The following CUL4A variants were observed in gnomAD, a reference collection of about 807,000 sequenced individuals.
The protein encoded by CUL4A is cullin-4A.
CUL4A carries 16 observed loss-of-function variants against 95.5 expected under a neutral mutation model. The ratio of observed to expected loss-of-function variants is 0.17; its 90% confidence interval spans 0.11 to 0.25. CUL4A has a LOEUF of 0.25. Among genes scored for constraint, CUL4A ranks in the 10% least tolerant of loss-of-function variants. The pLI, the probability that CUL4A is intolerant of heterozygous loss-of-function variation, is 1.00. For missense variants in CUL4A, 610 were observed against 937.0 expected, an observed-to-expected ratio of 0.65 and a Z score of 4.56; for synonymous variants, 380 against 353.1, an observed-to-expected ratio of 1.08 and a Z score of -0.85.
chr13:113,244,696 C>T (rs2041812165), intron 12 of CUL4A, among the ~76,000 whole-genome samples, 182 bp downstream of exon 12: 2 of 152,120 alleles, frequency 1.3e-5, no homozygotes, highest in Admixed American at 1.3e-4. Context: ...AAAACATTAG[C>T]CAGGCGTGGT....
chr13:113,244,041 T>C lies in CUL4A; in HGVS notation c.1229-369T>C, dbSNP rs565396570. On this transcript the variant is annotated intron_variant, in intron 11 of 19. Coordinates refer to ENST00000375440, the MANE Select transcript of CUL4A (RefSeq NM_001008895.4). The stretch of plus-strand genomic sequence containing the variant: ...CTGAGAAAGTCTTTCTCTTTGAGAA[T>C]GTCTCCTCTGCATTCATGACACCAG... Among the ~76,000 whole-genome samples the C allele has an allele frequency of 4.6e-5, 7 of 152,334 alleles. No individual in the cohort carries two copies. In the East Asian group the frequency reaches 1.4e-3, roughly 29 times the overall value.
intron 18 of CUL4A, among the ~76,000 whole-genome samples, chr13:113,257,988 C>CT (rs1308375549): frequency 2.0e-5 from 3 of 152,052 alleles, no homozygotes; most frequent in African/African-American, 7.2e-5. Flanking sequence ...AATTCTGTGT[C>CT]TATTTCATAG....
chr13:113,254,061 C>T (rs1358686964), intron 16 of CUL4A, among the ~76,000 whole-genome samples: 1 of 152,098 alleles, frequency 6.6e-6, no homozygotes, highest in African/African-American at 2.4e-5. Context: ...TGAACTTGAC[C>T]TCCACAGGGT....
At chr13:113,217,818 A>G (rs563080602) in intron 2 of CUL4A, among the ~76,000 whole-genome samples, 1 of 152,386 alleles carries the variant, frequency 6.6e-6, no homozygotes, top group African/African-American at 2.4e-5. Context: ...TCATATTGGA[A>G]TTGAATGAGT....
rs867623487 is a variant in CUL4A, at chr13:113,264,243, C to G, written c.*661C>G. ...TGGTGTCCGCCCTGCTGCGTCTGTT[C>G]GTCAGCTGAGTTCCTTGTGAATCTC... On this transcript the variant is annotated 3_prime_UTR_variant, in exon 20 of 20. Transcript: ENST00000375440. The G allele has an allele frequency of 6.6e-6, 1 of 152,230 alleles. No homozygotes were observed. Among genetic ancestry groups the G allele is most frequent in the African/African-American group, 2.4e-5 (1 of 41,454 alleles). The allele number at this position is 152,230 out of a possible 1,614,324, so 9.4% of individuals were successfully genotyped here.
upstream of CUL4A, chr13:113,208,651 G>C: frequency 6.2e-7 from 1 of 1,604,764 alleles, no homozygotes; most frequent in East Asian, 2.3e-5. Context: ...GCCGCCGAAC[G>C]GAGAGCGCCA....
At chr13:113,217,803 A>G (rs899225330) in intron 2 of CUL4A, among the ~76,000 whole-genome samples, 2 of 152,266 alleles carry the variant, frequency 1.3e-5, no homozygotes, top group Admixed American at 1.3e-4. Flanking sequence ...TCTGTTTATA[A>G]TATTTCATAT....
At chr13:113,221,994 G>A (rs1413182822) in intron 3 of CUL4A, among the ~76,000 whole-genome samples, 3 of 152,234 alleles carry the variant, frequency 2.0e-5, no homozygotes, top group Non-Finnish European at 4.4e-5. Context: ...TGTCCTAAAG[G>A]ATGGATGAGG....
chr13:113,244,151 A>G (rs535878782), intron 11 of CUL4A: 1 of 340,844 alleles, frequency 2.9e-6, no homozygotes, highest in South Asian at 5.7e-5. Flanking sequence ...TTATTTTGAA[A>G]TTCAGAGATT....
chr13:113,222,806 G>T (rs762183670), intron 3 of CUL4A, among the ~76,000 whole-genome samples: 1 of 152,162 alleles, frequency 6.6e-6, no homozygotes, highest in Non-Finnish European at 1.5e-5. Flanking sequence ...AGGCTGAGGT[G>T]GGAGGATTGC....
chr13:113,255,517 C>T (rs2042098805), intron 18 of CUL4A, among the ~76,000 whole-genome samples: 1 of 152,128 alleles, frequency 6.6e-6, no homozygotes, highest in South Asian at 2.1e-4. Context: ...TAGGATCATA[C>T]AGGACAGTTT....
intron 18 of CUL4A, among the ~76,000 whole-genome samples, chr13:113,257,563 G>A (rs923481192): frequency 1.3e-5 from 2 of 152,172 alleles, no homozygotes; most frequent in African/African-American, 4.8e-5. Context: ...AGCAAGAACA[G>A]GGAGGGAGGT....
At chr13:113,225,469 A>G (rs751425992) in intron 3 of CUL4A, among the ~76,000 whole-genome samples, 1 of 152,228 alleles carries the variant, frequency 6.6e-6, no homozygotes, top group Non-Finnish European at 1.5e-5. Context: ...TTTTAGAGGA[A>G]GTATTTCTCA....
intron 5 of CUL4A, among the ~76,000 whole-genome samples, chr13:113,230,602 C>T (rs1376265688): frequency 6.6e-6 from 1 of 152,154 alleles, no homozygotes; most frequent in East Asian, 1.9e-4. Flanking sequence ...TTAGCATTTG[C>T]TCTGTGCAAG....
At chr13:113,253,009 CTG>C (rs1324497662) in intron 15 of CUL4A, 71 bp from the exon 16 acceptor site, 24 of 632,164 alleles carry the variant, frequency 3.8e-5, no homozygotes, top group South Asian at 1.1e-4. Flanking sequence ...TTGTAAAACT[CTG>C]TGCATTGAAT....
chr13:113,215,844 G>A (rs78774795), intron 2 of CUL4A, among the ~76,000 whole-genome samples: 2 of 119,256 alleles, frequency 1.7e-5, no homozygotes, highest in Admixed American at 8.9e-5. Flanking sequence ...TGTGGAGGTC[G>A]CTGTGTGACT....
chr13:113,233,950 T>C lies in CUL4A; in HGVS notation c.729T>C (p.Tyr243=). ...LKFLEETNCL[Y]AAEGQRLMQE... is the part of the protein sequence containing the mutation. The stretch of plus-strand genomic sequence containing the variant: ...TTTTGGAAGAGACTAATTGCTTATA[T>C]GCTGCCGAAGGCCAAAGGTTAATGC... Residue 243 remains tyrosine (Y), a synonymous_variant, in exon 7 of 20, where the codon TAT becomes TAC. Coordinates refer to ENST00000375440, the MANE Select transcript of CUL4A (RefSeq NM_001008895.4). 2.5e-6 allele frequency: 4 copies of C among 1,612,338 alleles called. No homozygotes were observed. The highest frequency in any genetic ancestry group is 3.4e-6 in the Non-Finnish European group (4 of 1,178,738).
chr13:113,220,819 G>A (rs1319708295), intron 3 of CUL4A, among the ~76,000 whole-genome samples: 3 of 152,318 alleles, frequency 2.0e-5, no homozygotes, highest in Admixed American at 2.0e-4. Context: ...TGACCCCCAT[G>A]CCTGATTTCT....
Position 113,253,180 on chromosome 13 carries a change from A to C in CUL4A, c.1737A>C (p.Lys579Asn). 6.3e-7 allele frequency: 1 copy of C among 1,581,166 alleles called. No homozygotes were observed. The highest frequency in any genetic ancestry group is 8.6e-7 in the Non-Finnish European group (1 of 1,160,554). Residue 579 changes from lysine (K) to asparagine (N), a missense_variant, in exon 16 of 20, where the codon AAA becomes AAC. Physicochemically the swap from Lys to Asn is moderately conservative, Grantham distance 94. This residue lies in a region of CUL4A where 72 missense variants were observed against 93.2 expected (regional missense o/e 0.77). Transcript: ENST00000375440. Reference protein sequence around the residue: ...WQTTLGHAVLKAEFKEGKKEF... With the variant: ...WQTTLGHAVLNAEFKEGKKEF... Reference sequence around the variant, plus strand: ...CTACTTTGGGACATGCTGTTTTAAAAGCGGAGTTTAAAGAAGTAAGTTGTC... The same window carrying C: ...CTACTTTGGGACATGCTGTTTTAAACGCGGAGTTTAAAGAAGTAAGTTGTC...
Sources: gnomAD v4.1 joint callset for allele counts (sites outside exome capture counted in the v4.1 genomes callset) on GRCh38, gnomAD v4.1.1 for gene constraint, gnomAD v4.1.1 regional missense constraint, MANE v1.5 for transcripts, NCBI Gene and HGNC (gene_info 2026-07-23, HGNC 2026-07-21) for gene names.